The following PPP1R9A variants were observed in gnomAD, a reference collection of about 807,000 sequenced individuals.
The protein encoded by PPP1R9A is protein phosphatase 1 regulatory subunit 9A.
A neutral mutation model predicts 141.9 loss-of-function variants in PPP1R9A; 59 were observed. The ratio of observed to expected loss-of-function variants is 0.42; its 90% CI spans 0.34 to 0.52. PPP1R9A has a LOEUF of 0.52. PPP1R9A is among the 20% of genes least tolerant of loss of function. PPP1R9A has a pLI of 0.10. For synonymous variants in PPP1R9A, 500 were observed against 569.7 expected, an observed-to-expected ratio of 0.88 and a Z score of 1.74; for missense variants, 1,444 against 1,611.9, an observed-to-expected ratio of 0.90 and a Z score of 1.78.
At chr7:95,199,870 C>T (rs1789153789) in intron 6 of PPP1R9A, among the ~76,000 whole-genome samples, 1 of 152,094 alleles carries the variant, frequency 6.6e-6, no homozygotes, top group African/African-American at 2.4e-5. Flanking sequence ...CACTGATTTG[C>T]TTTTGCTGCA....
intron 4 of PPP1R9A, among the ~76,000 whole-genome samples, chr7:95,158,903 A>G (rs1830036801): frequency 6.6e-6 from 1 of 152,226 alleles, no homozygotes; most frequent in Non-Finnish European, 1.5e-5. Context: ...ATATCTTTTT[A>G]CAGCTGTATG....
chr7:95,057,314 A>C (rs1811633471), intron 2 of PPP1R9A, among the ~76,000 whole-genome samples: 1 of 152,136 alleles, frequency 6.6e-6, no homozygotes, highest in African/African-American at 2.4e-5. Context: ...AAAGCAAATA[A>C]TAAAGAAAAG....
chr7:95,012,516 G>A (rs1356686183), intron 2 of PPP1R9A, among the ~76,000 whole-genome samples: 1 of 152,046 alleles, frequency 6.6e-6, no homozygotes, highest in African/African-American at 2.4e-5. Flanking sequence ...TATCAAACCT[G>A]TACTCTGTTG....
At chr7:95,031,372 C>G (rs570778252) in intron 2 of PPP1R9A, among the ~76,000 whole-genome samples, 3 of 152,016 alleles carry the variant, frequency 2.0e-5, no homozygotes, top group Admixed American at 6.5e-5. Context: ...TAAAGAAACC[C>G]TATTTGGAAT....
At chr7:95,153,076 C>G (rs998403291) in intron 4 of PPP1R9A, among the ~76,000 whole-genome samples, 5 of 152,042 alleles carry the variant, frequency 3.3e-5, no homozygotes, top group African/African-American at 1.2e-4. Flanking sequence ...TCTCGAACTC[C>G]TGACCTCAAA....
intron 7 of PPP1R9A, among the ~76,000 whole-genome samples, chr7:95,221,069 C>A (rs181003776): frequency 1.3e-5 from 2 of 152,056 alleles, no homozygotes; most frequent in Admixed American, 6.6e-5. Flanking sequence ...TAGGAACTTA[C>A]ATTTATGAGA....
At chr7:95,080,454 G>T (rs1349964154) in intron 2 of PPP1R9A, among the ~76,000 whole-genome samples, 1 of 152,120 alleles carries the variant, frequency 6.6e-6, no homozygotes, top group East Asian at 1.9e-4. Context: ...ACAAAGAAAT[G>T]GAAGAACATT....
chr7:95,034,138 T>G (rs1002659090), intron 2 of PPP1R9A, among the ~76,000 whole-genome samples: 2 of 152,104 alleles, frequency 1.3e-5, no homozygotes, highest in African/African-American at 4.8e-5. Context: ...TCCATATAAA[T>G]AGTGTATATT....
At chr7:95,217,000 C>G (rs954344666) in intron 7 of PPP1R9A, among the ~76,000 whole-genome samples, 2 of 152,134 alleles carry the variant, frequency 1.3e-5, no homozygotes, top group Non-Finnish European at 2.9e-5. Flanking sequence ...ACTTCCAACA[C>G]TATGTTGAAT....
chr7:95,122,280 G>A (rs1218224766), intron 4 of PPP1R9A, among the ~76,000 whole-genome samples: 2 of 151,740 alleles, frequency 1.3e-5, no homozygotes, highest in Non-Finnish European at 2.9e-5. Flanking sequence ...CTGAGTAGCT[G>A]GGACCACAGG....
chr7:95,250,378 G>A, intron 10 of PPP1R9A, 123 bp downstream of exon 10: 1 of 833,248 alleles, frequency 1.2e-6, no homozygotes, highest in Non-Finnish European at 1.8e-6. Flanking sequence ...CTATCCAGGA[G>A]CATAGTTACA....
chr7:95,089,221 A>G (rs1218261922), intron 2 of PPP1R9A, among the ~76,000 whole-genome samples: 1 of 152,070 alleles, frequency 6.6e-6, no homozygotes, highest in Non-Finnish European at 1.5e-5. Context: ...AATGACTACT[A>G]CCACTTTTAC....
intron 2 of PPP1R9A, among the ~76,000 whole-genome samples, chr7:94,976,882 G>A (rs146641966): frequency 2.6e-3 from 403 of 152,172 alleles, no homozygotes; most frequent in Middle Eastern, 6.8e-3. Context: ...AACAGACATG[G>A]TCCCTTCTTT....
rs1836175400 is a variant in PPP1R9A, at chr7:95,195,748, A to G, written c.1755-2601A>G. Among the ~76,000 whole-genome samples the G allele has an allele frequency of 2.6e-5, 4 of 151,490 alleles. No individual in the cohort carries two copies. The South Asian group carries it at 8.5e-4, about 32-fold the overall frequency. ...ATATTGAACATACATGGACAAGGAT[A>G]TGTGTCAAGAATATATAAAGGGCCA... On this transcript the variant is annotated intron_variant, in intron 5 of 19. Coordinates refer to ENST00000433360, the MANE Select transcript of PPP1R9A (RefSeq NM_001166160.2).
chr7:95,044,047 G>A (rs1451359792), intron 2 of PPP1R9A, among the ~76,000 whole-genome samples: 1 of 152,188 alleles, frequency 6.6e-6, no homozygotes, highest in Admixed American at 6.5e-5. Context: ...CAATACATTG[G>A]AGACTGCTTC....
At chr7:95,217,640 A>G (rs143290547) in intron 7 of PPP1R9A, among the ~76,000 whole-genome samples, 1,936 of 152,252 alleles carry the variant, frequency 0.013, 29 homozygotes, top group African/African-American at 0.044. Flanking sequence ...TATTGCCTCA[A>G]TTTCAGAGCC....
At chr7:95,288,500 G>A in intron 18 of PPP1R9A, 36 bp from the exon 19 acceptor site, 1 of 1,603,132 alleles carries the variant, frequency 6.2e-7, no homozygotes, top group Non-Finnish European at 8.5e-7. Flanking sequence ...TAGTATCTTG[G>A]TCCTTTAACA....
intron 2 of PPP1R9A, among the ~76,000 whole-genome samples, chr7:94,958,023 A>G (rs552921887): frequency 6.6e-6 from 1 of 152,120 alleles, no homozygotes; most frequent in Non-Finnish European, 1.5e-5. Flanking sequence ...TTCTTTATTA[A>G]TCATTAATCA....
At chr7:95,212,426 C>T (rs1792324797) in intron 7 of PPP1R9A, among the ~76,000 whole-genome samples, 1 of 151,902 alleles carries the variant, frequency 6.6e-6, no homozygotes, top group Non-Finnish European at 1.5e-5. Context: ...ATCATGTAGC[C>T]TTCAGATGAT....
Sources: gnomAD v4.1 joint callset for allele counts (sites outside exome capture counted in the v4.1 genomes callset) on GRCh38, gnomAD v4.1.1 for gene constraint, MANE v1.5 for transcripts, NCBI Gene and HGNC (gene_info 2026-07-23, HGNC 2026-07-21) for gene names.